FRMPD2: variants seen among roughly 807,000 people sequenced by gnomAD.
FRMPD2 encodes the protein FERM and PDZ domain containing 2, also known as FERM and PDZ domain-containing protein 2.
In FRMPD2, 96 loss-of-function variants were observed where a neutral mutation model predicts 140.1. The observed-to-expected ratio is 0.69, with a 90% CI of 0.58 to 0.81. FRMPD2 has a LOEUF of 0.81. Among genes scored for constraint, FRMPD2 ranks in the 40% least tolerant of loss-of-function variants. The pLI is 0.00. For synonymous variants in FRMPD2, 449 were observed against 547.6 expected (o/e 0.82, Z 2.52); for missense variants, 1,240 against 1,447.4 (o/e 0.86, Z 2.32).
At position 48,206,883 on chromosome 10, in the gene FRMPD2, T is replaced by C; in HGVS notation, c.1662A>G (p.Ser554=). The change falls in exon 14 of 29, where the codon TCA becomes TCG. Residue 554 remains serine (S), a synonymous_variant. Transcript: ENST00000374201. ...EYGVLVHQVF[S]EKRRPEEEMA... ...TCTCCTCTTCTGGCCTCCTCTTCTC[T>C]GAGAATACTTGGTGAACCAGCACAC... 6.2e-7 allele frequency: 1 copy of C among 1,614,082 alleles called. No homozygotes were observed. Among genetic ancestry groups the C allele is most frequent in the Non-Finnish European group, 8.5e-7 (1 of 1,179,958 alleles).
At chr10:48,211,326 C>T (rs1839318848) in intron 13 of FRMPD2, among the ~76,000 whole-genome samples, 1 of 152,250 alleles carries the variant, frequency 6.6e-6, no homozygotes, top group South Asian at 2.1e-4. Flanking sequence ...GCACAGGCCA[C>T]AGCAGCTGTG....
chr10:48,203,578 A>T (rs140598325), intron 14 of FRMPD2, among the ~76,000 whole-genome samples: 45 of 152,316 alleles, frequency 3.0e-4, no homozygotes, highest in African/African-American at 8.7e-4. Flanking sequence ...GTTTCAAAGC[A>T]TCAGTTTACC....
At chr10:48,164,171 G>A (rs1588798143) in intron 27 of FRMPD2, among the ~76,000 whole-genome samples, 1 of 150,474 alleles carries the variant, frequency 6.6e-6, no homozygotes, top group South Asian at 2.1e-4. Flanking sequence ...TTGATGATGT[G>A]CTATGTCTTG....
At chr10:48,247,322 A>G (rs186075741) in intron 3 of FRMPD2, among the ~76,000 whole-genome samples, 18 of 152,346 alleles carry the variant, frequency 1.2e-4, no homozygotes, top group Non-Finnish European at 1.8e-4. Context: ...GAGCACTCAA[A>G]TCTGTGTTAG....
rs141693938 is a variant in FRMPD2 at position 48,239,906 on chromosome 10, T to C, written c.701-214A>G. ...GGTTACAAGGGAAGATAAAGCCTAA[T>C]GGCAAAGTGCACTTTGTTTTAGAGA... On this transcript the variant is annotated intron_variant, in intron 6 of 28. Transcript: ENST00000374201. Among the ~76,000 whole-genome samples the C allele has an allele frequency of 2.6e-3, 393 of 152,298 alleles. 6 individuals are homozygous for C. In the East Asian group the frequency reaches 0.049, roughly 19 times the overall value.
At position 48,233,197 on chromosome 10, in the gene FRMPD2, G is replaced by A. The variant is rs149736467; in HGVS notation, c.994-908C>T. ...GAGACCATGCCTGTGGTCATACCCT[G>A]ACACTCCTGGCACCCAGGGGCAGCC... On this transcript the variant is annotated intron_variant, in intron 9 of 28. Coordinates refer to ENST00000374201, the MANE Select transcript of FRMPD2 (RefSeq NM_001018071.4). Among the ~76,000 whole-genome samples the A allele has an allele frequency of 1.8e-4, 28 of 152,276 alleles. No individual in the cohort carries two copies. The East Asian group carries it at 5.4e-3, about 29-fold the overall frequency.
chr10:48,233,118 C>T (rs1456421583), intron 9 of FRMPD2, among the ~76,000 whole-genome samples: 3 of 152,220 alleles, frequency 2.0e-5, no homozygotes, highest in African/African-American at 7.2e-5. Flanking sequence ...CCAGGAAGTT[C>T]TCTCTAGAAG....
chr10:48,203,414 C>T (rs1003103974), intron 14 of FRMPD2, among the ~76,000 whole-genome samples: 1 of 152,128 alleles, frequency 6.6e-6, no homozygotes, highest in South Asian at 2.1e-4. Flanking sequence ...ATGTATAACT[C>T]CAGTCTCTGG....
chr10:48,196,864 T>C (rs1838966622), intron 15 of FRMPD2, among the ~76,000 whole-genome samples: 1 of 152,232 alleles, frequency 6.6e-6, no homozygotes, highest in Non-Finnish European at 1.5e-5. Context: ...AACAGCCTAT[T>C]ACAAGCCAAA....
At chr10:48,251,729 T>C (rs200042000) in intron 1 of FRMPD2, 38 bp from the exon 2 acceptor site, 162 of 1,611,636 alleles carry the variant, frequency 1.0e-4, no homozygotes, top group Admixed American at 5.8e-4. Context: ...GCCTCTGCAA[T>C]GTCCAGGAAC....
intron 9 of FRMPD2, among the ~76,000 whole-genome samples, chr10:48,236,187 G>A (rs1810155413): frequency 6.6e-6 from 1 of 151,972 alleles, no homozygotes; most frequent in Non-Finnish European, 1.5e-5. Context: ...TTCATTCGCA[G>A]CATAGATGGG....
intron 14 of FRMPD2, among the ~76,000 whole-genome samples, chr10:48,204,922 G>A (rs186604575): frequency 5.9e-5 from 9 of 152,148 alleles, no homozygotes; most frequent in African/African-American, 1.7e-4. Flanking sequence ...ACACATCTAC[G>A]AATCATATTC....
At chr10:48,193,369 C>T (rs563079746) in intron 15 of FRMPD2, among the ~76,000 whole-genome samples, 17 of 152,280 alleles carry the variant, frequency 1.1e-4, no homozygotes, top group East Asian at 1.9e-4. Flanking sequence ...CTCTACACAG[C>T]GTAGTTTGCC....
In FRMPD2 at chr10:48,184,476, G is replaced by A. The variant is rs1041932229; in HGVS notation, c.2584+90C>T. On this transcript the variant is annotated intron_variant, in intron 20 of 28. Transcript: ENST00000374201. ...GAGGAAAGCAATATAGAAGACCTAC[G>A]TGGACTTCAAGGTCTAGTACCTCAC... 2.4e-4 allele frequency: 188 copies of A among 779,634 alleles called. 1 individual carries two copies. Among genetic ancestry groups the A allele is most frequent in the Middle Eastern group, 2.4e-4 (1 of 4,138 alleles). 48.3% of individuals were successfully genotyped at this position (779,634 alleles called of 1,614,324 possible). A position where few individuals can be genotyped will look rare whatever the true frequency, so the allele number is the denominator to read the frequency against.
Position 48,185,629 on chromosome 10 carries a change from C to T in FRMPD2, c.2283G>A (p.Arg761=), listed in dbSNP as rs199732674. The change falls in exon 18 of 29, where the codon AGG becomes AGA. Residue 761 remains arginine, a synonymous_variant. Transcript: ENST00000374201. The part of the protein sequence containing the change: ...QSMHAGSKNN[R]RKSFIAEPGR... The stretch of plus-strand genomic sequence containing the variant: ...CCGGTTCAGCTATAAAGCTCTTCCT[C>T]CTATTATTCTTTGAGCCTAGAGGTA... 2 of 1,613,810 alleles carry T rather than the reference C, an allele frequency of 1.2e-6. No individual in the cohort carries two copies. The highest frequency in any genetic ancestry group is 2.2e-5 in the East Asian group (1 of 44,876).
chr10:48,257,390 C>T (rs1840510327), intron 1 of FRMPD2, among the ~76,000 whole-genome samples: 1 of 151,998 alleles, frequency 6.6e-6, no homozygotes, highest in Non-Finnish European at 1.5e-5. Flanking sequence ...AGCAATTATC[C>T]TGCCTCAACC....
At position 48,211,983 on chromosome 10, in the gene FRMPD2, C is replaced by T. The variant is rs142425834; in HGVS notation, c.1582G>A (p.Gly528Arg). ...EMHRLSSALW[G>R]EDAELKFLRV... ...AAGAACTTCAGCTCAGCATCCTCTCCCCACAGTGCAGAGCTGAGCCGGTGC... is the reference window on the plus strand; with the variant it reads ...AAGAACTTCAGCTCAGCATCCTCTCTCCACAGTGCAGAGCTGAGCCGGTGC... The change falls in exon 13 of 29, where the codon GGA becomes AGA. Residue 528 changes from glycine (G) to arginine (R), a missense_variant. Physicochemically the swap from Gly to Arg is moderately radical, Grantham distance 125. Transcript: ENST00000374201. The T allele has an allele frequency of 2.9e-5, 46 of 1,613,810 alleles. No individual in the cohort carries two copies. In the African/African-American group the frequency reaches 4.7e-4, roughly 16 times the overall value.
intron 15 of FRMPD2, chr10:48,199,752 G>GT (rs1229532947): frequency 6.6e-6 from 1 of 152,172 alleles, no homozygotes; most frequent in Non-Finnish European, 1.5e-5. Flanking sequence ...AAGGACCATG[G>GT]TGTATCGTTA....
intron 1 of FRMPD2, among the ~76,000 whole-genome samples, chr10:48,271,972 A>C (rs576575581): frequency 6.6e-6 from 1 of 152,318 alleles, no homozygotes; most frequent in African/African-American, 2.4e-5. Context: ...GTATATGGAG[A>C]GGGCAGGGAA....
Sources: gnomAD v4.1 joint callset for allele counts (sites outside exome capture counted in the v4.1 genomes callset) on GRCh38, gnomAD v4.1.1 for gene constraint, MANE v1.5 for transcripts, NCBI Gene and HGNC (gene_info 2026-07-23, HGNC 2026-07-21) for gene names.